GRID2: variants seen among roughly 807,000 people sequenced by gnomAD.
GRID2 encodes the protein glutamate ionotropic receptor delta type subunit 2.
In GRID2, 33 loss-of-function variants were observed where a neutral mutation model predicts 114.8. The ratio of observed to expected loss-of-function variants is 0.29; its 90% confidence interval spans 0.22 to 0.38. The LOEUF (loss-of-function observed/expected upper bound fraction) is 0.38. Ranked by LOEUF, GRID2 falls within the 10% of genes least tolerant of loss-of-function variation. The probability of loss-of-function intolerance (pLI) is 1.00; values close to 1 mark genes in which losing one functional copy is unlikely to be tolerated. For synonymous variants in GRID2, 505 were observed against 449.9 expected, an observed-to-expected ratio of 1.12 and a Z score of -1.55; for missense variants, 1,184 against 1,257.7, an observed-to-expected ratio of 0.94 and a Z score of 0.89.
At chr4:93,577,767 T>C (rs1420161785) in intron 13 of GRID2, among the ~76,000 whole-genome samples, 1 of 152,344 alleles carries the variant, frequency 6.6e-6, no homozygotes, top group East Asian at 1.9e-4. Context: ...TGAAGTGTTC[T>C]GTGCTTTATA....
At chr4:92,664,816 T>A (rs1178370520) in intron 2 of GRID2, among the ~76,000 whole-genome samples, 3 of 151,202 alleles carry the variant, frequency 2.0e-5, no homozygotes, top group Admixed American at 1.3e-4. Context: ...AAATTTAATG[T>A]CCATATTTTC....
At chr4:93,679,917 T>G (rs1186086794) in intron 14 of GRID2, among the ~76,000 whole-genome samples, 1 of 150,570 alleles carries the variant, frequency 6.6e-6, no homozygotes, top group Non-Finnish European at 1.5e-5. Flanking sequence ...AGGCAAGAAA[T>G]AACTAAAATC....
chr4:93,044,370 CT>C (rs879846748), intron 2 of GRID2, among the ~76,000 whole-genome samples: 13 of 148,810 alleles, frequency 8.7e-5, no homozygotes, highest in African/African-American at 2.0e-4. Flanking sequence ...TAAAAAGCAT[CT>C]TTTTTTTTTC....
chr4:93,504,853 T>C (rs907604670), intron 12 of GRID2, among the ~76,000 whole-genome samples: 2 of 152,182 alleles, frequency 1.3e-5, no homozygotes, highest in East Asian at 3.9e-4. Flanking sequence ...ATATATCTTA[T>C]AGATAACAAC....
intron 13 of GRID2, among the ~76,000 whole-genome samples, chr4:93,536,651 T>G (rs1377299385): frequency 6.6e-6 from 1 of 151,288 alleles, no homozygotes; most frequent in East Asian, 1.9e-4. Context: ...TGACTTCTTT[T>G]TTTTTTTTTT....
chr4:92,475,240 A>G (rs1722247654), intron 1 of GRID2, among the ~76,000 whole-genome samples: 1 of 151,624 alleles, frequency 6.6e-6, no homozygotes, highest in Admixed American at 6.6e-5. Context: ...CCAAAATATC[A>G]TTGCCAAGAT....
chr4:92,992,331 T>C (rs528926995), intron 2 of GRID2, among the ~76,000 whole-genome samples: 10 of 152,234 alleles, frequency 6.6e-5, no homozygotes, highest in Non-Finnish European at 1.5e-4. Flanking sequence ...CAACTTCAGA[T>C]TTATTTACCA....
At chr4:93,588,324 T>C (rs887276957) in intron 13 of GRID2, among the ~76,000 whole-genome samples, 1 of 152,056 alleles carries the variant, frequency 6.6e-6, no homozygotes, top group Non-Finnish European at 1.5e-5. Context: ...GAATAATAGG[T>C]TTTTTATACA....
At chr4:92,372,737 C>T (rs1729176812) in intron 1 of GRID2, among the ~76,000 whole-genome samples, 1 of 152,054 alleles carries the variant, frequency 6.6e-6, no homozygotes, top group African/African-American at 2.4e-5. Context: ...TTAACAAATA[C>T]ACATACTTTT....
At chr4:93,250,426 G>A (rs530498806) in intron 8 of GRID2, among the ~76,000 whole-genome samples, 10 of 151,752 alleles carry the variant, frequency 6.6e-5, no homozygotes, top group East Asian at 3.9e-4. Flanking sequence ...GCAAACCACC[G>A]TGGCATGTGT....
intron 13 of GRID2, among the ~76,000 whole-genome samples, chr4:93,533,123 C>T (rs1347377105): frequency 2.0e-5 from 3 of 151,948 alleles, no homozygotes; most frequent in African/African-American, 7.2e-5. Context: ...AACAGTTGTC[C>T]CACCTTTTAT....
At chr4:92,505,470 A>G (rs1338957981) in intron 1 of GRID2, among the ~76,000 whole-genome samples, 2 of 151,592 alleles carry the variant, frequency 1.3e-5, no homozygotes, top group African/African-American at 4.8e-5. Flanking sequence ...ACCTGTTCTT[A>G]TTCTTAAGCA....
intron 2 of GRID2, among the ~76,000 whole-genome samples, chr4:92,594,957 T>C (rs956252471): frequency 6.6e-6 from 1 of 151,990 alleles, no homozygotes; most frequent in Non-Finnish European, 1.5e-5. Context: ...GTAAGGATGG[T>C]ATATTTGTAG....
chr4:92,441,555 C>T (rs948756298), intron 1 of GRID2, among the ~76,000 whole-genome samples: 2 of 152,056 alleles, frequency 1.3e-5, no homozygotes, highest in East Asian at 1.9e-4. Context: ...GTTGATAAGG[C>T]GCAGATCCTG....
At chr4:93,402,301 G>A (rs1384305174) in intron 9 of GRID2, among the ~76,000 whole-genome samples, 1 of 152,024 alleles carries the variant, frequency 6.6e-6, no homozygotes, top group Non-Finnish European at 1.5e-5. Context: ...AAACCAAGAC[G>A]CTGTTCTGAA....
At chr4:92,602,884 A>G (rs1025262379) in intron 2 of GRID2, among the ~76,000 whole-genome samples, 1 of 152,234 alleles carries the variant, frequency 6.6e-6, no homozygotes, top group African/African-American at 2.4e-5. Flanking sequence ...ATGTGCAAAA[A>G]TAACAAGCAT....
At chr4:92,697,523 A>G (rs1201574950) in intron 2 of GRID2, among the ~76,000 whole-genome samples, 1 of 152,174 alleles carries the variant, frequency 6.6e-6, no homozygotes, top group African/African-American at 2.4e-5. Flanking sequence ...TTAAGAAGAG[A>G]TAACTGGCAT....
At chr4:92,332,368 G>A (rs1726937307) in intron 1 of GRID2, among the ~76,000 whole-genome samples, 2 of 152,006 alleles carry the variant, frequency 1.3e-5, no homozygotes, top group Admixed American at 1.3e-4. Flanking sequence ...CATGAAGGTG[G>A]AGCCCTCATG....
chr4:93,726,118 G>A (rs1351008885), intron 14 of GRID2, among the ~76,000 whole-genome samples: 1 of 152,142 alleles, frequency 6.6e-6, no homozygotes, highest in East Asian at 1.9e-4. Flanking sequence ...ATGGTTTTAG[G>A]TCTAACATGT....
Sources: gnomAD v4.1 joint callset for allele counts (sites outside exome capture counted in the v4.1 genomes callset) on GRCh38, gnomAD v4.1.1 for gene constraint, MANE v1.5 for transcripts, NCBI Gene and HGNC (gene_info 2026-07-23, HGNC 2026-07-21) for gene names.